Variants in ARHGEF3 observed in about 807,000 individuals in gnomAD.
ARHGEF3 encodes 59.8 kDA protein.
ARHGEF3 carries 28 observed loss-of-function variants against 63.2 expected under a neutral mutation model. That is an observed-to-expected ratio of 0.44 (90% CI 0.33 to 0.61). The LOEUF (loss-of-function observed/expected upper bound fraction) is 0.61. ARHGEF3 is among the 20% of genes least tolerant of loss of function. ARHGEF3 has a pLI of 0.03. For missense variants in ARHGEF3, 533 were observed against 659.3 expected (o/e 0.81, Z 2.10); for synonymous variants, 266 against 254.2 (o/e 1.05, Z -0.44).
At position 56,755,075 on chromosome 3, in the gene ARHGEF3, G is replaced by A; in HGVS notation, c.281C>T (p.Ser94Leu). Residue 94 changes from serine to leucine, a missense_variant, in exon 3 of 10, where the codon TCG (serine) becomes TTG (leucine). Physicochemically the swap from Ser to Leu is moderately radical, Grantham distance 145. Around this residue, in one of 4 missense-constraint regions of ARHGEF3, gnomAD observed 160 missense variants for 157.3 expected, o/e 1.02. Transcript: ENST00000296315. ...CTTGCTATCTCTCCGTTTCGTGCTC[G>A]AGGGGGCGGCATTTCTGGACCAGGG... ...PRPWSRNAAPSSTKRRDSKLW... is the reference protein window; with the variant it reads ...PRPWSRNAAPLSTKRRDSKLW... The A allele has an allele frequency of 6.2e-7, 1 of 1,614,124 alleles. No individual in the cohort carries two copies. The highest frequency in any genetic ancestry group is 8.5e-7 in the Non-Finnish European group (1 of 1,180,028).
chr3:57,055,833 G>A (rs1246197207), intron 1 of ARHGEF3, among the ~76,000 whole-genome samples: 1 of 152,126 alleles, frequency 6.6e-6, no homozygotes, highest in Non-Finnish European at 1.5e-5. Context: ...AGAATTTTAG[G>A]ACACAAACTT....
intron 2 of ARHGEF3, among the ~76,000 whole-genome samples, chr3:56,770,302 C>T (rs1462449223): frequency 1.3e-5 from 2 of 151,888 alleles, no homozygotes; most frequent in Non-Finnish European, 2.9e-5. Flanking sequence ...CCCAGCTACT[C>T]GGGAGGCTGA....
chr3:56,908,284 C>G (rs192201652), intron 3 of ARHGEF3, among the ~76,000 whole-genome samples: 1 of 152,368 alleles, frequency 6.6e-6, no homozygotes, highest in Non-Finnish European at 1.5e-5. Flanking sequence ...AATAGAAGAA[C>G]AGCTCCAAAT....
intron 1 of ARHGEF3, among the ~76,000 whole-genome samples, chr3:57,052,576 C>T (rs548258067): frequency 4.2e-4 from 64 of 152,116 alleles, no homozygotes; most frequent in Middle Eastern, 3.4e-3. Context: ...GGATTACAGG[C>T]GTGAGCCACC....
At chr3:57,000,520 C>T (rs6769997) in intron 2 of ARHGEF3, among the ~76,000 whole-genome samples, 186 of 141,960 alleles carry the variant, frequency 1.3e-3, no homozygotes, top group African/African-American at 4.5e-3. Flanking sequence ...ATTATTATTA[C>T]TACTATTATT....
chr3:56,946,933 C>T (rs1578916136), intron 3 of ARHGEF3, among the ~76,000 whole-genome samples: 1 of 152,214 alleles, frequency 6.6e-6, no homozygotes, highest in African/African-American at 2.4e-5. Flanking sequence ...GATCTCTCCT[C>T]AGAAACTCTA....
intron 2 of ARHGEF3, among the ~76,000 whole-genome samples, chr3:56,982,023 CA>C (rs1701345586): frequency 6.6e-6 from 1 of 152,312 alleles, no homozygotes; most frequent in African/African-American, 2.4e-5. Context: ...CATTAAAGAA[CA>C]GATATACAGT....
chr3:56,837,831 T>G (rs2039168600), intron 4 of ARHGEF3, among the ~76,000 whole-genome samples: 1 of 152,228 alleles, frequency 6.6e-6, no homozygotes. Flanking sequence ...TGTGCCATCA[T>G]GTGCACACAG....
chr3:57,023,099 C>T (rs1255478699), intron 2 of ARHGEF3, among the ~76,000 whole-genome samples: 1 of 152,228 alleles, frequency 6.6e-6, no homozygotes, highest in African/African-American at 2.4e-5. Context: ...CCACTTCACA[C>T]ATCTGTTTAT....
intron 2 of ARHGEF3, among the ~76,000 whole-genome samples, chr3:57,032,696 T>C (rs748155292): frequency 1.7e-4 from 26 of 152,308 alleles, no homozygotes; most frequent in Middle Eastern, 6.8e-3. Flanking sequence ...TCTCAAACTG[T>C]TGCCAATGCT....
At chr3:56,885,416 T>C (rs1224436071) in intron 3 of ARHGEF3, among the ~76,000 whole-genome samples, 1 of 152,170 alleles carries the variant, frequency 6.6e-6, no homozygotes, top group Non-Finnish European at 1.5e-5. Flanking sequence ...GCCCAGACCA[T>C]AGGCTACACC....
intron 2 of ARHGEF3, among the ~76,000 whole-genome samples, chr3:56,994,064 C>CAAAAAAAAAAAA (rs60299557): frequency 0.016 from 960 of 59,668 alleles, 221 homozygotes; most frequent in Non-Finnish European, 0.027. Flanking sequence ...AACTTCGTCT[C>CAAAAAAAAAAAA]AAAAAAAAAA....
At chr3:56,957,115 A>C (rs950425396) in intron 3 of ARHGEF3, among the ~76,000 whole-genome samples, 2 of 152,234 alleles carry the variant, frequency 1.3e-5, no homozygotes, top group South Asian at 4.1e-4. Context: ...ACACTTTGAG[A>C]AATGGAGATC....
rs893786561 is a variant in ARHGEF3 at position 56,728,464 on chromosome 3, G to T, written c.*806C>A. 1 of 152,556 alleles carries T rather than the reference G, an allele frequency of 6.6e-6. No individual in the cohort carries two copies. The highest frequency in any genetic ancestry group is 2.4e-5 in the African/African-American group (1 of 41,416). The allele number at this position is 152,556 out of a possible 1,614,324, so 9.5% of individuals were successfully genotyped here. A position where few individuals can be genotyped will look rare whatever the true frequency, so the allele number is the denominator to read the frequency against. Reference sequence around the variant, plus strand: ...GCAGATGAAACACAATGAATACAGGGCCTTCTTGTTATCCTGGCAGGCCTT... The same window carrying T: ...GCAGATGAAACACAATGAATACAGGTCCTTCTTGTTATCCTGGCAGGCCTT... On this transcript the variant is annotated 3_prime_UTR_variant, in exon 10 of 10. Coordinates refer to ENST00000296315, the MANE Select transcript of ARHGEF3 (RefSeq NM_019555.3).
intron 2 of ARHGEF3, among the ~76,000 whole-genome samples, chr3:56,967,398 TATA>T (rs1427630162): frequency 1.5e-5 from 1 of 67,896 alleles, no homozygotes; most frequent in African/African-American, 7.0e-5. Flanking sequence ...TTATATATTA[TATA>T]ATATATTATA....
intron 1 of ARHGEF3, among the ~76,000 whole-genome samples, chr3:57,041,997 T>C (rs1334394501): frequency 6.6e-6 from 1 of 152,100 alleles, no homozygotes; most frequent in Non-Finnish European, 1.5e-5. Context: ...CCAGAGATAA[T>C]GACATGAGCA....
chr3:56,958,910 T>C (rs373920088), intron 2 of ARHGEF3: 44 of 1,542,096 alleles, frequency 2.9e-5, no homozygotes, highest in Middle Eastern at 3.3e-4. Context: ...AAAGACAATG[T>C]ATTCATTATT....
chr3:57,042,190 C>T (rs1337399666), intron 1 of ARHGEF3, among the ~76,000 whole-genome samples: 2 of 152,086 alleles, frequency 1.3e-5, no homozygotes, highest in African/African-American at 4.8e-5. Context: ...ATGGGGACTA[C>T]TATGAGGAGA....
At chr3:56,932,263 C>A (rs1461267229) in intron 3 of ARHGEF3, among the ~76,000 whole-genome samples, 1 of 151,986 alleles carries the variant, frequency 6.6e-6, no homozygotes. Flanking sequence ...ATACATGCAC[C>A]CCATAGAAAC....
Sources: gnomAD v4.1 joint callset for allele counts (sites outside exome capture counted in the v4.1 genomes callset) on GRCh38, gnomAD v4.1.1 for gene constraint, gnomAD v4.1.1 regional missense constraint, MANE v1.5 for transcripts, NCBI Gene and HGNC (gene_info 2026-07-23, HGNC 2026-07-21) for gene names.